The following TRAPPC9 variants were observed in gnomAD, a reference collection of about 807,000 sequenced individuals.
The protein encoded by TRAPPC9 is IKK2 binding protein.
A neutral mutation model predicts 124.0 loss-of-function variants in TRAPPC9; 83 were observed. The observed-to-expected ratio is 0.67, with a 90% CI of 0.56 to 0.80. The LOEUF (loss-of-function observed/expected upper bound fraction) is 0.80, where lower values mean the gene tolerates loss of function less well. TRAPPC9 is among the 30% of genes least tolerant of loss of function. The pLI is 0.00. For missense variants in TRAPPC9, 1,302 were observed against 1,508.3 expected (o/e 0.86, Z 2.27); for synonymous variants, 638 against 617.5 (o/e 1.03, Z -0.49).
In TRAPPC9 at chr8:140,128,972, A is replaced by AAT. The variant is rs1554629004; in HGVS notation, c.2556+92485_2556+92486dup. Among the ~76,000 whole-genome samples, 66 of 123,186 alleles carry AAT rather than the reference A, an allele frequency of 5.4e-4. 1 individual carries two copies. Among genetic ancestry groups the AAT allele is most frequent in the South Asian group, 1.2e-3 (5 of 4,146 alleles). 80.8% of individuals were successfully genotyped at this position (123,186 alleles called of 152,430 possible). ...TACCCGAGAACTTAAACTATAATAA[A>AAT]ATATATATATATATACATATATATA... On this transcript the variant is annotated intron_variant, in intron 17 of 22. Transcript: ENST00000438773.
intron 5 of TRAPPC9, among the ~76,000 whole-genome samples, chr8:140,418,852 C>T (rs946522718): frequency 6.6e-6 from 1 of 152,108 alleles, no homozygotes. Context: ...AAGGTTTATA[C>T]AACATGATCA....
intron 17 of TRAPPC9, among the ~76,000 whole-genome samples, chr8:140,173,654 C>T (rs1303244795): frequency 6.6e-6 from 1 of 152,150 alleles, no homozygotes; most frequent in Non-Finnish European, 1.5e-5. Context: ...CTTCTGGTCC[C>T]CACATACCTC....
intron 16 of TRAPPC9, among the ~76,000 whole-genome samples, chr8:140,247,282 A>C (rs1208751953): frequency 1.3e-5 from 2 of 152,350 alleles, no homozygotes; most frequent in Non-Finnish European, 2.9e-5. Flanking sequence ...TATACCTAAA[A>C]GTTAGTGTGG....
intron 7 of TRAPPC9, among the ~76,000 whole-genome samples, chr8:140,372,451 T>C (rs933064555): frequency 1.3e-5 from 2 of 152,102 alleles, no homozygotes; most frequent in African/African-American, 4.8e-5. Flanking sequence ...GAATCGGCAT[T>C]GTCTTCCTAC....
At chr8:139,770,931 T>C (rs1820915251) in intron 21 of TRAPPC9, among the ~76,000 whole-genome samples, 1 of 152,128 alleles carries the variant, frequency 6.6e-6, no homozygotes, top group African/African-American at 2.4e-5. Context: ...ACGCCTCTCC[T>C]GATGCGTCTG....
chr8:139,823,332 G>A (rs927693204), intron 21 of TRAPPC9, among the ~76,000 whole-genome samples: 46 of 151,924 alleles, frequency 3.0e-4, no homozygotes, highest in African/African-American at 1.0e-3. Context: ...GGTGGGGACC[G>A]AGAGTTGACA....
intron 17 of TRAPPC9, among the ~76,000 whole-genome samples, chr8:140,123,743 T>G (rs1382720752): frequency 1.3e-5 from 2 of 152,256 alleles, no homozygotes; most frequent in Admixed American, 1.3e-4. Context: ...GAACAATCGG[T>G]GTCTGTTTGT....
At chr8:139,879,411 C>T (rs1287224663) in intron 21 of TRAPPC9, among the ~76,000 whole-genome samples, 1 of 152,168 alleles carries the variant, frequency 6.6e-6, no homozygotes, top group Non-Finnish European at 1.5e-5. Context: ...TAGTGAGGGG[C>T]AGACAAAACT....
intron 17 of TRAPPC9, chr8:140,099,537 C>T (rs1281615644): frequency 6.7e-6 from 1 of 149,414 alleles, no homozygotes; most frequent in African/African-American, 2.5e-5. Context: ...GACGTTCGCC[C>T]AGATCCTCCG....
intron 17 of TRAPPC9, among the ~76,000 whole-genome samples, chr8:140,168,495 G>A (rs1321182198): frequency 2.6e-5 from 4 of 152,240 alleles, no homozygotes; most frequent in Middle Eastern, 3.4e-3. Context: ...TCCTATAAAC[G>A]GAATCATACA....
chr8:140,129,229 C>A (rs900994516), intron 17 of TRAPPC9, among the ~76,000 whole-genome samples: 7 of 152,022 alleles, frequency 4.6e-5, no homozygotes, highest in Non-Finnish European at 7.4e-5. Flanking sequence ...TGAGGCAGGG[C>A]AGGCAGGTAT....
At chr8:139,781,471 C>T (rs1821808558) in intron 21 of TRAPPC9, among the ~76,000 whole-genome samples, 1 of 152,080 alleles carries the variant, frequency 6.6e-6, no homozygotes, top group Non-Finnish European at 1.5e-5. Context: ...GGTTAGGGTA[C>T]AAAGAAGGAT....
intron 2 of TRAPPC9, among the ~76,000 whole-genome samples, chr8:140,449,351 C>G (rs1018791447): frequency 3.3e-5 from 5 of 152,218 alleles, no homozygotes; most frequent in Admixed American, 6.5e-5. Context: ...GTGACTGACA[C>G]AGTGACACAT....
intron 21 of TRAPPC9, among the ~76,000 whole-genome samples, chr8:139,855,983 C>G (rs1827776300): frequency 6.6e-6 from 1 of 152,238 alleles, no homozygotes; most frequent in African/African-American, 2.4e-5. Context: ...TTGATCTTCT[C>G]TATCTAGTCT....
chr8:140,156,829 A>C (rs1015367024), intron 17 of TRAPPC9, among the ~76,000 whole-genome samples: 4 of 152,294 alleles, frequency 2.6e-5, no homozygotes, highest in African/African-American at 7.2e-5. Flanking sequence ...GTGTGAAAGC[A>C]GACAGAATGA....
intron 9 of TRAPPC9, among the ~76,000 whole-genome samples, chr8:140,330,571 A>C (rs1040560996): frequency 1.3e-5 from 2 of 152,220 alleles, no homozygotes; most frequent in Non-Finnish European, 2.9e-5. Context: ...TGTTCCTTTC[A>C]GGTTTATAAA....
chr8:140,299,478 A>C (rs2065903922), intron 11 of TRAPPC9, among the ~76,000 whole-genome samples: 1 of 152,252 alleles, frequency 6.6e-6, no homozygotes, highest in Admixed American at 6.5e-5. Context: ...CAGAAGGAGA[A>C]GAAAGCACTG....
intron 16 of TRAPPC9, among the ~76,000 whole-genome samples, chr8:140,243,119 C>T (rs1361095553): frequency 5.3e-5 from 8 of 152,086 alleles, no homozygotes; most frequent in East Asian, 1.9e-4. Flanking sequence ...AAAGGGATGT[C>T]GAAGAGCTGG....
intron 16 of TRAPPC9, among the ~76,000 whole-genome samples, chr8:140,228,529 C>CA (rs1259672735): frequency 6.6e-6 from 1 of 152,232 alleles, no homozygotes; most frequent in East Asian, 1.9e-4. Flanking sequence ...ACATACTATT[C>CA]AAATGGCAAC....
Sources: gnomAD v4.1 joint callset for allele counts (sites outside exome capture counted in the v4.1 genomes callset) on GRCh38, gnomAD v4.1.1 for gene constraint, MANE v1.5 for transcripts, NCBI Gene and HGNC (gene_info 2026-07-23, HGNC 2026-07-21) for gene names.